The following ARHGAP42 variants were observed in gnomAD, a reference collection of about 807,000 sequenced individuals.
The protein encoded by ARHGAP42 is Rho GTPase activating protein 42.
A neutral mutation model predicts 125.0 loss-of-function variants in ARHGAP42; 63 were observed. The ratio of observed to expected loss-of-function variants is 0.50; its 90% CI spans 0.41 to 0.62. The LOEUF (loss-of-function observed/expected upper bound fraction) is 0.62. Among genes scored for constraint, ARHGAP42 ranks in the 20% least tolerant of loss-of-function variants. The pLI, the probability that ARHGAP42 is intolerant of heterozygous loss-of-function variation, is 0.00. For synonymous variants in ARHGAP42, 339 were observed against 351.0 expected (o/e 0.97, Z 0.38); for missense variants, 766 against 1,024.2 (o/e 0.75, Z 3.44).
chr11:100,832,275 G>A (rs1393770091), intron 3 of ARHGAP42, among the ~76,000 whole-genome samples: 1 of 152,216 alleles, frequency 6.6e-6, no homozygotes. Context: ...ATAGTTTCCT[G>A]ACTGCTGTCC....
chr11:100,811,666 A>C (rs1483253079), intron 3 of ARHGAP42, among the ~76,000 whole-genome samples: 1 of 151,880 alleles, frequency 6.6e-6, no homozygotes, highest in Non-Finnish European at 1.5e-5. Flanking sequence ...CGCCTGGTTA[A>C]GTTCCATATT....
At chr11:100,691,554 ACT>A (rs1389454689) in intron 1 of ARHGAP42, among the ~76,000 whole-genome samples, 4 of 152,088 alleles carry the variant, frequency 2.6e-5, no homozygotes, top group Non-Finnish European at 5.9e-5. Flanking sequence ...AGACAGGGTC[ACT>A]CTGTCATGGA....
intron 23 of ARHGAP42, among the ~76,000 whole-genome samples, chr11:100,987,844 AATAG>A (rs965734018): frequency 6.8e-6 from 1 of 146,996 alleles, no homozygotes; most frequent in Non-Finnish European, 1.5e-5. Flanking sequence ...TAAATAAATA[AATAG>A]GCCAGGCGCG....
At position 100,864,012 on chromosome 11, in the gene ARHGAP42, TG is replaced by T. The variant is rs535683381; in HGVS notation, c.384+4388del. Among the ~76,000 whole-genome samples the T allele has an allele frequency of 1.1e-3, 160 of 152,304 alleles. 2 individuals are homozygous for T. Among genetic ancestry groups the T allele is most frequent in the Admixed American group, 4.8e-3 (73 of 15,298 alleles). On this transcript the variant is annotated intron_variant, in intron 4 of 23. Transcript: ENST00000298815. ...AATATAGAGTGAGATGAATCACAAT[TG>T]TTTTTTTGGATGCTTTTTGAATAAA...
In ARHGAP42 at chr11:100,930,407, A is replaced by G. The variant is rs17095815; in HGVS notation, c.598-2749A>G. 7.3e-3 allele frequency among the ~76,000 whole-genome samples: 1,107 copies of G among 152,326 alleles called. 18 individuals carry two copies. Among genetic ancestry groups the G allele is most frequent in the African/African-American group, 0.025 (1,036 of 41,582 alleles). The stretch of plus-strand genomic sequence containing the variant: ...CAGGTATTTCATAATGCAATCTTCA[A>G]TAAACCCAAATGCTGCTTCCAAAGA... On this transcript the variant is annotated intron_variant, in intron 6 of 23. Coordinates refer to ENST00000298815, the MANE Select transcript of ARHGAP42 (RefSeq NM_152432.4).
chr11:100,860,866 C>G (rs1007200733), intron 4 of ARHGAP42, among the ~76,000 whole-genome samples: 1 of 152,122 alleles, frequency 6.6e-6, no homozygotes, highest in African/African-American at 2.4e-5. Context: ...AAATCAGAAC[C>G]ATTTTTATGT....
At chr11:100,736,200 C>A (rs1388061029) in intron 1 of ARHGAP42, among the ~76,000 whole-genome samples, 1 of 152,150 alleles carries the variant, frequency 6.6e-6, no homozygotes, top group East Asian at 1.9e-4. Context: ...CCTCAGTGGG[C>A]TTGAGCAACA....
intron 1 of ARHGAP42, among the ~76,000 whole-genome samples, chr11:100,764,321 G>T (rs1039467013): frequency 6.6e-6 from 1 of 152,136 alleles, no homozygotes; most frequent in Admixed American, 6.5e-5. Context: ...AATATGCCTA[G>T]CCCCTCCCAG....
intron 18 of ARHGAP42, among the ~76,000 whole-genome samples, chr11:100,974,047 T>G (rs1858323892): frequency 6.6e-6 from 1 of 152,116 alleles, no homozygotes; most frequent in African/African-American, 2.4e-5. Context: ...CTAGCCACAC[T>G]CCTTGGCAGC....
rs374542620 is a variant in ARHGAP42, at chr11:100,835,075, C to T, written c.313-24479C>T. On this transcript the variant is annotated intron_variant, in intron 3 of 23. Coordinates refer to ENST00000298815, the MANE Select transcript of ARHGAP42 (RefSeq NM_152432.4). ...TTTTCCTATAAACTCTGAAATGTGT[C>T]AAATAGTGTCGAGGTTCATCTTTCT... Among the ~76,000 whole-genome samples, 26 of 152,022 alleles carry T rather than the reference C, an allele frequency of 1.7e-4. 1 individual carries two copies. The East Asian group carries it at 4.3e-3, about 25-fold the overall frequency.
At chr11:100,885,387 G>T (rs1034190406) in intron 4 of ARHGAP42, among the ~76,000 whole-genome samples, 1 of 152,130 alleles carries the variant, frequency 6.6e-6, no homozygotes, top group African/African-American at 2.4e-5. Flanking sequence ...AATTTCTTTA[G>T]GTTATTTATA....
At chr11:100,896,503 T>A (rs1866368703) in intron 4 of ARHGAP42, among the ~76,000 whole-genome samples, 1 of 152,228 alleles carries the variant, frequency 6.6e-6, no homozygotes, top group Admixed American at 6.5e-5. Context: ...CAGGATCTGT[T>A]GTTTCCTGAC....
Position 100,976,814 on chromosome 11 carries a change from G to C in ARHGAP42, c.2237-1G>C. ...CCTATTTTCTTGGGCTTTCTTTTTA[G>C]GAAACAAGAGCTACAGTGGATCTAT... On this transcript the variant is annotated splice_acceptor_variant, in intron 20 of 23. Transcript: ENST00000298815. LOFTEE classifies it high-confidence loss of function. 6.5e-7 allele frequency: 1 copy of C among 1,549,468 alleles called. No homozygotes were observed. The highest frequency in any genetic ancestry group is 8.7e-7 in the Non-Finnish European group (1 of 1,146,456).
At chr11:100,712,793 A>G (rs928720426) in intron 1 of ARHGAP42, among the ~76,000 whole-genome samples, 7 of 152,188 alleles carry the variant, frequency 4.6e-5, no homozygotes, top group African/African-American at 1.7e-4. Context: ...CTCTTTAACT[A>G]CATTTTTTTT....
chr11:100,970,281 G>A (rs1281415646), intron 17 of ARHGAP42, among the ~76,000 whole-genome samples: 1 of 152,072 alleles, frequency 6.6e-6, no homozygotes, highest in African/African-American at 2.4e-5. Flanking sequence ...GGGTCACCGT[G>A]CCCAGACTAA....
chr11:100,749,151 G>C (rs1262869569), intron 1 of ARHGAP42, among the ~76,000 whole-genome samples: 1 of 152,136 alleles, frequency 6.6e-6, no homozygotes, highest in Non-Finnish European at 1.5e-5. Flanking sequence ...AAAGGAAAGG[G>C]GAGTTCTGAA....
chr11:100,794,075 C>CAAAAAAAAAAAAAA (rs869272420), intron 2 of ARHGAP42, among the ~76,000 whole-genome samples: 4 of 44,844 alleles, frequency 8.9e-5, no homozygotes, highest in African/African-American at 1.4e-4. Flanking sequence ...GACCCTGTCT[C>CAAAAAAAAAAAAAA]AAAAAAAAAA....
intron 1 of ARHGAP42, among the ~76,000 whole-genome samples, chr11:100,765,703 T>G (rs1862814572): frequency 6.6e-6 from 1 of 152,196 alleles, no homozygotes; most frequent in Non-Finnish European, 1.5e-5. Flanking sequence ...TATTTTAACC[T>G]TTGTATTCTC....
At chr11:100,842,900 A>T (rs1864974858) in intron 3 of ARHGAP42, among the ~76,000 whole-genome samples, 1 of 152,114 alleles carries the variant, frequency 6.6e-6, no homozygotes, top group Non-Finnish European at 1.5e-5. Context: ...CTAAGATCAC[A>T]CCTCAAGGAA....
Sources: gnomAD v4.1 joint callset for allele counts (sites outside exome capture counted in the v4.1 genomes callset) on GRCh38, gnomAD v4.1.1 for gene constraint, MANE v1.5 for transcripts, NCBI Gene and HGNC (gene_info 2026-07-23, HGNC 2026-07-21) for gene names.